Variants in OPCML observed in about 807,000 individuals in gnomAD.
OPCML encodes the protein opioid-binding protein/cell adhesion molecule.
In OPCML, 13 loss-of-function variants were observed where a neutral mutation model predicts 37.8. The observed-to-expected ratio is 0.34, with a 90% CI of 0.22 to 0.55. The LOEUF is 0.55. OPCML is among the 20% of genes least tolerant of loss of function. The pLI is 0.91. For synonymous variants in OPCML, 176 were observed against 168.8 expected, an observed-to-expected ratio of 1.04 and a Z score of -0.33; for missense variants, 341 against 435.6, an observed-to-expected ratio of 0.78 and a Z score of 1.93.
chr11:133,154,219 TAA>T (rs35932575), intron 1 of OPCML, among the ~76,000 whole-genome samples: 20,421 of 144,444 alleles, frequency 0.14, 1,533 homozygotes, highest in African/African-American at 0.19. Flanking sequence ...TGCTTCTGAT[TAA>T]AAAAAAAAAA....
chr11:133,233,735 C>A (rs1367793529), intron 1 of OPCML, among the ~76,000 whole-genome samples: 1 of 152,152 alleles, frequency 6.6e-6, no homozygotes, highest in African/African-American at 2.4e-5. Context: ...GAAGCCCCTG[C>A]CCGTAAAAAT....
chr11:132,537,856 A>G (rs1043741885), intron 3 of OPCML, among the ~76,000 whole-genome samples: 1 of 152,218 alleles, frequency 6.6e-6, no homozygotes, highest in African/African-American at 2.4e-5. Flanking sequence ...AATCAAAACC[A>G]CAATGAGATA....
rs1462925797 is a variant in OPCML at position 132,558,514 on chromosome 11, TTTC to T, written c.380-29331_380-29329del. 3.2e-5 allele frequency among the ~76,000 whole-genome samples: 4 copies of T among 123,250 alleles called. 1 individual carries two copies. Among genetic ancestry groups the T allele is most frequent in the South Asian group, 7.1e-4 (2 of 2,798 alleles). The allele number at this position is 123,250 out of a possible 152,430, so 80.9% of individuals were successfully genotyped here. ...TCCTCCCCTCCTCCCCCCGCCCCGT[TTTC>T]TTCTTCTCTTCTTCTTCGTCTTCGT... is the stretch of plus-strand genomic sequence containing the variant. On this transcript the variant is annotated intron_variant, in intron 3 of 7. Transcript: ENST00000524381.
chr11:132,686,513 T>G (rs1184722124), intron 2 of OPCML, among the ~76,000 whole-genome samples: 2 of 152,212 alleles, frequency 1.3e-5, no homozygotes, highest in Admixed American at 6.5e-5. Flanking sequence ...CTTCTTCTCA[T>G]GTAAAGTCCT....
chr11:133,509,447 C>T (rs1402355440), intron 1 of OPCML, among the ~76,000 whole-genome samples: 1 of 152,178 alleles, frequency 6.6e-6, no homozygotes, highest in Admixed American at 6.5e-5. Context: ...ATATGTATCA[C>T]ATTTTCTTTA....
At chr11:132,986,570 A>C (rs973513303) in intron 1 of OPCML, among the ~76,000 whole-genome samples, 1 of 152,216 alleles carries the variant, frequency 6.6e-6, no homozygotes, top group Non-Finnish European at 1.5e-5. Context: ...TAGGTGACCT[A>C]CTCAATAAAC....
intron 1 of OPCML, among the ~76,000 whole-genome samples, chr11:133,176,001 C>A (rs530503045): frequency 1.3e-5 from 2 of 152,174 alleles, no homozygotes; most frequent in South Asian, 4.1e-4. Context: ...TGAGTGATAC[C>A]CATGAAGCTT....
At chr11:132,965,670 C>T (rs898001912) in intron 1 of OPCML, among the ~76,000 whole-genome samples, 14 of 152,012 alleles carry the variant, frequency 9.2e-5, no homozygotes, top group African/African-American at 1.4e-4. Flanking sequence ...GTAGCTAGGA[C>T]TCCATGCAAG....
chr11:132,856,482 C>A (rs1160038819), intron 2 of OPCML, among the ~76,000 whole-genome samples: 1 of 152,142 alleles, frequency 6.6e-6, no homozygotes, highest in Non-Finnish European at 1.5e-5. Context: ...TAAACTGTCT[C>A]TCTAAAATAA....
chr11:132,677,568 A>G (rs545717765), intron 2 of OPCML, among the ~76,000 whole-genome samples: 2 of 152,326 alleles, frequency 1.3e-5, no homozygotes, highest in African/African-American at 4.8e-5. Flanking sequence ...GACTCCAAGT[A>G]AATGGGACAG....
intron 1 of OPCML, among the ~76,000 whole-genome samples, chr11:133,231,150 T>C (rs1218404531): frequency 6.6e-6 from 1 of 152,200 alleles, no homozygotes; most frequent in Non-Finnish European, 1.5e-5. Context: ...CGATATGATT[T>C]TCCTTCAAAT....
intron 1 of OPCML, among the ~76,000 whole-genome samples, chr11:133,078,206 G>A (rs111828926): frequency 6.6e-6 from 1 of 152,144 alleles, no homozygotes; most frequent in Non-Finnish European, 1.5e-5. Flanking sequence ...AGCACGCCAC[G>A]GTGGCTGTGC....
intron 4 of OPCML, among the ~76,000 whole-genome samples, chr11:132,473,643 T>C (rs2096145095): frequency 6.6e-6 from 1 of 152,120 alleles, no homozygotes; most frequent in Admixed American, 6.5e-5. Flanking sequence ...CTGTGCAACA[T>C]GGCTGGATTC....
chr11:132,643,487 A>T (rs1042329120), intron 3 of OPCML, among the ~76,000 whole-genome samples: 1 of 151,938 alleles, frequency 6.6e-6, no homozygotes, highest in Admixed American at 6.6e-5. Flanking sequence ...CCCACCCCCA[A>T]CCAGGGAGGC....
At chr11:132,482,426 C>T (rs1183931093) in intron 4 of OPCML, among the ~76,000 whole-genome samples, 1 of 151,978 alleles carries the variant, frequency 6.6e-6, no homozygotes, top group African/African-American at 2.4e-5. Flanking sequence ...TGGCAATAAT[C>T]AATAGCTTAC....
intron 1 of OPCML, among the ~76,000 whole-genome samples, chr11:133,272,264 A>G (rs1303610217): frequency 6.6e-6 from 1 of 151,296 alleles, no homozygotes; most frequent in African/African-American, 2.5e-5. Flanking sequence ...AAAAAAAAAA[A>G]AAAAAGAAAA....
At chr11:132,999,307 T>C (rs1176179968) in intron 1 of OPCML, among the ~76,000 whole-genome samples, 4 of 150,690 alleles carry the variant, frequency 2.7e-5, no homozygotes, top group Non-Finnish European at 4.4e-5. Flanking sequence ...GCAATGACAC[T>C]GCCGTTTCCT....
chr11:132,972,866 C>T (rs1320524370), intron 1 of OPCML, among the ~76,000 whole-genome samples: 1 of 152,136 alleles, frequency 6.6e-6, no homozygotes, highest in African/African-American at 2.4e-5. Context: ...ATTCCACAGA[C>T]CAGAAGTTGA....
intron 3 of OPCML, among the ~76,000 whole-genome samples, chr11:132,634,593 G>A (rs1296175813): frequency 6.6e-6 from 1 of 152,180 alleles, no homozygotes; most frequent in Non-Finnish European, 1.5e-5. Flanking sequence ...GGATTATGTA[G>A]TGCTGCTTCC....
Sources: allele counts gnomAD v4.1 joint callset (sites outside exome capture counted in the v4.1 genomes callset), GRCh38; gene constraint gnomAD v4.1.1; transcripts MANE v1.5; gene names NCBI Gene and HGNC (gene_info 2026-07-23, HGNC 2026-07-21).